Variants in ARHGAP28 observed in about 807,000 individuals in gnomAD.
The protein encoded by ARHGAP28 is Rho GTPase activating protein 28.
A neutral mutation model predicts 90.7 loss-of-function variants in ARHGAP28; 56 were observed. The observed-to-expected ratio is 0.62, with a 90% CI of 0.50 to 0.77. The LOEUF is 0.77. ARHGAP28 is among the 30% of genes least tolerant of loss of function. ARHGAP28 has a pLI of 0.00. For missense variants in ARHGAP28, 869 were observed against 900.9 expected (o/e 0.96, Z 0.45); for synonymous variants, 308 against 323.3 (o/e 0.95, Z 0.51).
At chr18:6,870,250 A>G (rs1425192150) in intron 6 of ARHGAP28, among the ~76,000 whole-genome samples, 1 of 152,202 alleles carries the variant, frequency 6.6e-6, no homozygotes, top group Non-Finnish European at 1.5e-5. Flanking sequence ...AGATGAGCTT[A>G]ATTTTAATAT....
chr18:6,780,421 TAA>T (rs2056315137), intron 1 of ARHGAP28, among the ~76,000 whole-genome samples: 1 of 152,220 alleles, frequency 6.6e-6, no homozygotes, highest in Non-Finnish European at 1.5e-5. Flanking sequence ...AGAGATGACT[TAA>T]AGTGTTGGGA....
chr18:6,838,797 CTG>C (rs1033944282), intron 3 of ARHGAP28, among the ~76,000 whole-genome samples: 14 of 152,194 alleles, frequency 9.2e-5, no homozygotes, highest in African/African-American at 3.4e-4. Context: ...TAGTGTAAAC[CTG>C]TGTCTTTCTG....
intron 2 of ARHGAP28, among the ~76,000 whole-genome samples, chr18:6,827,338 C>CGGACG (rs1567960888): frequency 6.8e-6 from 1 of 147,662 alleles, no homozygotes. Flanking sequence ...ACCTCCCTCC[C>CGGACG]GGACGGGGCG....
At position 6,730,221 on chromosome 18, in the gene ARHGAP28, G is replaced by GTATGTATGTATATATATATA. The variant is rs1555621918; in HGVS notation, c.122+281_122+282insGTATGTATATATATATATAT. The GTATGTATGTATATATATATA allele has an allele frequency of 9.1e-5, 16 of 175,080 alleles. No homozygotes were observed. In the East Asian group the frequency reaches 1.5e-3, roughly 16 times the overall value. 10.8% of individuals were successfully genotyped at this position (175,080 alleles called of 1,614,324 possible). A position where few individuals can be genotyped will look rare whatever the true frequency, so the allele number is the denominator to read the frequency against. ...GATACGATTTGAGGATAAGTCATGT[G>GTATGTATGTATATATATATA]TATATATATATATATACCTCATTTC... On this transcript the variant is annotated intron_variant, in intron 1 of 17. Transcript: ENST00000383472.
chr18:6,850,732 C>A, intron 3 of ARHGAP28: 1 of 1,322,038 alleles, frequency 7.6e-7, no homozygotes, highest in Non-Finnish European at 1.0e-6. Flanking sequence ...TAGAACATAC[C>A]ATCTTGGAGC....
chr18:6,827,223 G>GC (rs2056672314), intron 2 of ARHGAP28, among the ~76,000 whole-genome samples: 1 of 152,006 alleles, frequency 6.6e-6, no homozygotes, highest in East Asian at 1.9e-4. Flanking sequence ...AGACAGGGTG[G>GC]TGGCCGGGCA....
At chr18:6,732,292 C>T (rs992729862) in intron 1 of ARHGAP28, among the ~76,000 whole-genome samples, 1 of 152,180 alleles carries the variant, frequency 6.6e-6, no homozygotes, top group Non-Finnish European at 1.5e-5. Flanking sequence ...GGATTTTTAA[C>T]TGCCAACCTC....
intron 1 of ARHGAP28, among the ~76,000 whole-genome samples, chr18:6,767,941 T>A (rs1029664035): frequency 1.3e-5 from 2 of 152,184 alleles, no homozygotes; most frequent in Admixed American, 1.3e-4. Flanking sequence ...GTACCACATA[T>A]GTTGGACTAC....
At chr18:6,898,722 T>C (rs1222305256) in intron 16 of ARHGAP28, 1 of 1,372,698 alleles carries the variant, frequency 7.3e-7, no homozygotes, top group African/African-American at 1.5e-5. Context: ...TTAGAACTAA[T>C]GACTGCAGAG....
intron 1 of ARHGAP28, among the ~76,000 whole-genome samples, chr18:6,800,586 AT>A (rs2056474780): frequency 6.6e-6 from 1 of 152,170 alleles, no homozygotes; most frequent in Non-Finnish European, 1.5e-5. Flanking sequence ...GGAAACCATC[AT>A]TCTCAGCAAA....
chr18:6,870,804 TC>T, intron 7 of ARHGAP28, 72 bp downstream of exon 7: 2 of 1,478,228 alleles, frequency 1.4e-6, no homozygotes, highest in Non-Finnish European at 1.8e-6. Flanking sequence ...GATTTCTTTT[TC>T]TTTTTTTTTT....
At chr18:6,815,144 C>A (rs1243003406) in intron 1 of ARHGAP28, among the ~76,000 whole-genome samples, 2 of 152,170 alleles carry the variant, frequency 1.3e-5, no homozygotes, top group African/African-American at 2.4e-5. Context: ...TTATAAATTG[C>A]ATATTAGTTT....
At chr18:6,740,576 A>G (rs1000793315) in intron 1 of ARHGAP28, among the ~76,000 whole-genome samples, 1 of 152,162 alleles carries the variant, frequency 6.6e-6, no homozygotes, top group Non-Finnish European at 1.5e-5. Context: ...TAATTTTTCA[A>G]GCTATTCATT....
chr18:6,758,464 C>T (rs1181385330), intron 1 of ARHGAP28, among the ~76,000 whole-genome samples: 1 of 152,102 alleles, frequency 6.6e-6, no homozygotes, highest in East Asian at 1.9e-4. Context: ...GCTGGGATTG[C>T]AAGCACGCAC....
At chr18:6,827,978 A>C (rs1367841135) in intron 2 of ARHGAP28, among the ~76,000 whole-genome samples, 1 of 151,978 alleles carries the variant, frequency 6.6e-6, no homozygotes, top group African/African-American at 2.4e-5. Context: ...CAATCTCGGC[A>C]CTTTGGGAGG....
intron 1 of ARHGAP28, chr18:6,754,558 C>T (rs1478741563): frequency 6.6e-6 from 1 of 152,210 alleles, no homozygotes; most frequent in African/African-American, 2.4e-5. Flanking sequence ...TAGTGACCAA[C>T]TGTGCCCTCC....
chr18:6,887,121 A>G (rs559048725), intron 11 of ARHGAP28, 36 bp from the exon 12 acceptor site: 18 of 1,580,140 alleles, frequency 1.1e-5, no homozygotes, highest in African/African-American at 1.3e-5. Flanking sequence ...CATCAGGGCT[A>G]TTTAAAATGT....
intron 12 of ARHGAP28, 139 bp downstream of exon 12, chr18:6,887,378 C>T: frequency 1.4e-6 from 1 of 692,068 alleles, no homozygotes; most frequent in Admixed American, 2.3e-5. Flanking sequence ...TTCTGTGCTC[C>T]CACTGCCCTT....
intron 16 of ARHGAP28, among the ~76,000 whole-genome samples, chr18:6,907,836 T>C (rs989512952): frequency 2.0e-5 from 3 of 152,148 alleles, no homozygotes; most frequent in Non-Finnish European, 2.9e-5. Flanking sequence ...GATGCACCTG[T>C]ATTACTTCTT....
Sources: allele counts gnomAD v4.1 joint callset (sites outside exome capture counted in the v4.1 genomes callset), GRCh38; gene constraint gnomAD v4.1.1; transcripts MANE v1.5; gene names NCBI Gene and HGNC (gene_info 2026-07-23, HGNC 2026-07-21).